Variants in POLDIP3 observed in about 807,000 individuals in gnomAD.
POLDIP3 encodes DNA polymerase delta interacting protein 3.
In POLDIP3, 14 loss-of-function variants were observed where a neutral mutation model predicts 45.1. The ratio of observed to expected loss-of-function variants is 0.31; its 90% CI spans 0.20 to 0.49. The LOEUF is 0.49. Ranked by LOEUF, POLDIP3 falls within the 20% of genes least tolerant of loss-of-function variation. The pLI is 0.99. For synonymous variants in POLDIP3, 223 were observed against 205.2 expected, an observed-to-expected ratio of 1.09 and a Z score of -0.74; for missense variants, 511 against 538.8, an observed-to-expected ratio of 0.95 and a Z score of 0.51.
chr22:42,591,514 C>G lies in POLDIP3; in HGVS notation c.1021+441G>C, dbSNP rs146261543. On this transcript the variant is annotated intron_variant, in intron 7 of 8. Transcript: ENST00000252115. ...GACAGAATTCTTCTCTACAGGCTGTCTGGAGATGAAAAATATGAACCTCAA... is the reference window on the plus strand; with the variant it reads ...GACAGAATTCTTCTCTACAGGCTGTGTGGAGATGAAAAATATGAACCTCAA... Among the ~76,000 whole-genome samples, 74 of 152,292 alleles carry G rather than the reference C, an allele frequency of 4.9e-4. 1 individual carries two copies. In the East Asian group the frequency reaches 0.012, roughly 24 times the overall value.
At chr22:42,602,111 G>C (rs367965817) in intron 2 of POLDIP3, 55 bp from the exon 3 acceptor site, 92 of 1,611,824 alleles carry the variant, frequency 5.7e-5, no homozygotes, top group Middle Eastern at 1.7e-4. Context: ...GCATTCTCTA[G>C]AAGAAGGGGG....
At chr22:42,606,681 G>A (rs1026082803) in intron 1 of POLDIP3, among the ~76,000 whole-genome samples, 10 of 152,188 alleles carry the variant, frequency 6.6e-5, no homozygotes, top group Non-Finnish European at 1.0e-4. Flanking sequence ...TCAGGATGGA[G>A]TGCAGTGATC....
chr22:42,590,989 G>A (rs1002733864), intron 7 of POLDIP3, among the ~76,000 whole-genome samples: 10 of 151,908 alleles, frequency 6.6e-5, no homozygotes, highest in African/African-American at 1.9e-4. Flanking sequence ...CAGGAAAGCC[G>A]CTTGAACCGG....
At chr22:42,597,705 T>G in intron 4 of POLDIP3, 1 of 471,066 alleles carries the variant, frequency 2.1e-6, no homozygotes, top group Non-Finnish European at 4.4e-6. Flanking sequence ...GATAGCAGAC[T>G]TGAGCAGTCT....
rs189760975 is a variant in POLDIP3 at position 42,596,910 on chromosome 22, G to C, written c.634-545C>G. On this transcript the variant is annotated intron_variant, in intron 4 of 8. Transcript: ENST00000252115. ...GGAGTAGCCATTCTTTTATTCCTTT[G>C]TTTTCTTAATAAAGCTGCTTTTGCT... Among the ~76,000 whole-genome samples the C allele has an allele frequency of 1.1e-4, 17 of 151,560 alleles. No homozygotes were observed. The East Asian group carries it at 3.1e-3, about 28-fold the overall frequency.
intron 7 of POLDIP3, among the ~76,000 whole-genome samples, chr22:42,587,846 G>A (rs992146572): frequency 2.0e-5 from 3 of 152,162 alleles, no homozygotes; most frequent in Non-Finnish European, 4.4e-5. Context: ...AGGGAGAAAC[G>A]AGACTCAATG....
At chr22:42,607,448 C>T (rs1033930388) in intron 1 of POLDIP3, among the ~76,000 whole-genome samples, 2 of 152,212 alleles carry the variant, frequency 1.3e-5, no homozygotes, top group African/African-American at 2.4e-5. Context: ...GGAGTGATCT[C>T]GGCTCGCTAC....
chr22:42,612,079 GTC>G lies in POLDIP3; in HGVS notation c.59+2718_59+2719del. ...ATGCACTCCAGGTTCTTCCATGCTA[GTC>G]TCTCTGCCTGCACTCTTTGCCCCAA... On this transcript the variant is annotated intron_variant, in intron 1 of 8. Coordinates refer to ENST00000252115, the MANE Select transcript of POLDIP3 (RefSeq NM_032311.5). Among the ~76,000 whole-genome samples the G allele has an allele frequency of 2.0e-5, 3 of 152,218 alleles. No individual in the cohort carries two copies. In the East Asian group the frequency reaches 5.8e-4, roughly 29 times the overall value.
chr22:42,614,848 T>C lies in POLDIP3; in HGVS notation c.10A>G (p.Ile4Val), dbSNP rs1927388457. 1 of 1,614,008 alleles carries C rather than the reference T, an allele frequency of 6.2e-7. No homozygotes were observed. The highest frequency in any genetic ancestry group is 1.1e-5 in the South Asian group (1 of 91,092). The part of the protein sequence containing the change: MAD[I>V]SLDELIRKRG... ...TTCCTGATGAGTTCGTCCAGGGAGATGTCCGCCATCTTGCTCCGCCGAGCA... is the reference window on the plus strand; with the variant it reads ...TTCCTGATGAGTTCGTCCAGGGAGACGTCCGCCATCTTGCTCCGCCGAGCA... Residue 4 changes from isoleucine to valine, a missense_variant, in exon 1 of 9, where the codon ATC becomes GTC. This residue lies in a region of POLDIP3 where 378 missense variants were observed against 352.3 expected (regional missense o/e 1.07). Coordinates refer to ENST00000252115, the MANE Select transcript of POLDIP3 (RefSeq NM_032311.5).
chr22:42,590,583 C>A (rs944315618), intron 7 of POLDIP3, among the ~76,000 whole-genome samples: 2 of 152,066 alleles, frequency 1.3e-5, no homozygotes, highest in Non-Finnish European at 2.9e-5. Context: ...TGTTATGGGC[C>A]CACTGTCATA....
intron 6 of POLDIP3, among the ~76,000 whole-genome samples, chr22:42,593,089 A>C (rs1004200769): frequency 9.2e-5 from 14 of 152,374 alleles, no homozygotes; most frequent in Admixed American, 3.9e-4. Context: ...CACATAACCT[A>C]TGCACATCAT....
chr22:42,595,214 C>G (rs1406943597), intron 6 of POLDIP3, among the ~76,000 whole-genome samples: 1 of 152,250 alleles, frequency 6.6e-6, no homozygotes, highest in Non-Finnish European at 1.5e-5. Context: ...TGACCAGCCC[C>G]CAGTAAAACC....
chr22:42,603,425 C>A (rs1350351783), intron 1 of POLDIP3, among the ~76,000 whole-genome samples: 13 of 152,180 alleles, frequency 8.5e-5, no homozygotes. Context: ...GCTTCCTAGA[C>A]CACGTGTCTT....
chr22:42,585,956 G>A lies in POLDIP3; in HGVS notation c.1101C>T (p.Asp367=), dbSNP rs928789866. Residue 367 remains aspartate, a synonymous_variant, in exon 9 of 9, where the codon GAC becomes GAT. Transcript: ENST00000252115. ...CGCTCTCCTTTTTCATTGATGGGCT[G>A]TCACTCAGCCGCCTGTGGAGAGCAG... is the stretch of plus-strand genomic sequence containing the variant. ...SDQPILLRLS[D]SPSMKKESEL... is the part of the protein sequence containing the mutation. 1 of 1,612,200 alleles carries A rather than the reference G, an allele frequency of 6.2e-7. No homozygotes were observed. Among genetic ancestry groups the A allele is most frequent in the African/African-American group, 1.3e-5 (1 of 74,988 alleles).
At chr22:42,591,926 G>A (rs200030632) in intron 7 of POLDIP3, 29 bp downstream of exon 7, 2 of 1,613,848 alleles carry the variant, frequency 1.2e-6, no homozygotes, top group Non-Finnish European at 1.7e-6. Flanking sequence ...GAGTGGGAGG[G>A]TCAGGGGACT....
At chr22:42,614,147 G>C (rs1927306513) in intron 1 of POLDIP3, among the ~76,000 whole-genome samples, 1 of 152,168 alleles carries the variant, frequency 6.6e-6, no homozygotes, top group Non-Finnish European at 1.5e-5. Flanking sequence ...AGTTCTCCGT[G>C]GCCTCGGGCA....
chr22:42,610,839 G>A (rs1927075550), intron 1 of POLDIP3, among the ~76,000 whole-genome samples: 1 of 152,368 alleles, frequency 6.6e-6, no homozygotes, highest in South Asian at 2.1e-4. Flanking sequence ...CCAGGAGGCA[G>A]AGGTTGGAGT....
chr22:42,602,839 G>T lies in POLDIP3; in HGVS notation c.381C>A (p.Ser127=), dbSNP rs1926482217. ...AREKISLKRS[S]PAAFINPPIG... is the part of the protein sequence containing the mutation. ...TGGGTGGGTTTATGAAGGCAGCAGG[G>T]GAACTCCTCTTCAAGCTGATCTTCT... Residue 127 remains serine (S), a synonymous_variant, in exon 2 of 9, where the codon TCC becomes TCA. Transcript: ENST00000252115. The T allele has an allele frequency of 1.9e-6, 3 of 1,612,628 alleles. No homozygotes were observed. The highest frequency in any genetic ancestry group is 2.5e-6 in the Non-Finnish European group (3 of 1,180,034).
chr22:42,608,582 T>A (rs1461746521), intron 1 of POLDIP3, among the ~76,000 whole-genome samples: 1 of 152,192 alleles, frequency 6.6e-6, no homozygotes, highest in Non-Finnish European at 1.5e-5. Flanking sequence ...GTCCGCAGGC[T>A]GAAGAAATCT....
Sources: gnomAD v4.1 joint callset for allele counts (sites outside exome capture counted in the v4.1 genomes callset) on GRCh38, gnomAD v4.1.1 for gene constraint, gnomAD v4.1.1 regional missense constraint, MANE v1.5 for transcripts, NCBI Gene and HGNC (gene_info 2026-07-23, HGNC 2026-07-21) for gene names.